The following SCUBE2 variants were observed in gnomAD, a reference collection of about 807,000 sequenced individuals.
SCUBE2 encodes the protein signal peptide, CUB and EGF-like domain-containing protein 2.
SCUBE2 carries 114 observed loss-of-function variants against 125.9 expected under a neutral mutation model. That is an observed-to-expected ratio of 0.91 (90% CI 0.78 to 1.06). SCUBE2 has a LOEUF of 1.06. Ranked by LOEUF, SCUBE2 falls within the 50% of genes least tolerant of loss-of-function variation. The pLI is 0.00. For synonymous variants in SCUBE2, 459 were observed against 492.9 expected (o/e 0.93, Z 0.91); for missense variants, 1,255 against 1,301.8 (o/e 0.96, Z 0.55).
chr11:9,033,856 G>T, intron 16 of SCUBE2, 60 bp from the exon 17 acceptor site: 1 of 1,559,694 alleles, frequency 6.4e-7, no homozygotes. Flanking sequence ...AGGATGATGT[G>T]AGTTCTAGAG....
At chr11:9,062,634 G>A (rs149712081) in intron 7 of SCUBE2, among the ~76,000 whole-genome samples, 13 of 152,236 alleles carry the variant, frequency 8.5e-5, no homozygotes, top group Admixed American at 3.9e-4. Context: ...TTAAAATCTC[G>A]TAATTAATTT....
chr11:9,023,953 T>C (rs1855516722), intron 21 of SCUBE2, among the ~76,000 whole-genome samples: 1 of 152,070 alleles, frequency 6.6e-6, no homozygotes, highest in African/African-American at 2.4e-5. Flanking sequence ...ATGTGATTTC[T>C]ATCCTTCTGG....
intron 3 of SCUBE2, 82 bp downstream of exon 3, chr11:9,079,302 T>C: frequency 6.5e-7 from 1 of 1,545,622 alleles, no homozygotes. Context: ...CCCGTTTTTG[T>C]CTTCATGAGG....
chr11:9,053,106 G>T lies in SCUBE2; in HGVS notation c.1440C>A (p.Leu480=). The change falls in exon 12 of 23, where the codon CTC becomes CTA. Residue 480 remains leucine (L), a synonymous_variant. Coordinates refer to ENST00000649792, the MANE Select transcript of SCUBE2 (RefSeq NM_001367977.2). The part of the protein sequence containing the change: ...CFLRCHSGIH[L]SSGLQGAYSV... ...GAACTGGGCCCCACTCACCTGAAGA[G>T]AGGTGAATGCCAGAGTGACATCTGA... 1 of 1,612,638 alleles carries T rather than the reference G, an allele frequency of 6.2e-7. No homozygotes were observed. The highest frequency in any genetic ancestry group is 8.5e-7 in the Non-Finnish European group (1 of 1,178,626).
In SCUBE2 at chr11:9,038,189, G is replaced by C. The variant is rs184650603; in HGVS notation, c.2003-4393C>G. ...ATAAATGAGCAATAAATCTCAATGA[G>C]CAAGCAAATAAGTATGTAATAGAAT... On this transcript the variant is annotated intron_variant, in intron 16 of 22. Coordinates refer to ENST00000649792, the MANE Select transcript of SCUBE2 (RefSeq NM_001367977.2). Among the ~76,000 whole-genome samples, 202 of 152,280 alleles carry C rather than the reference G, an allele frequency of 1.3e-3. 1 individual carries two copies. The highest frequency in any genetic ancestry group is 2.0e-3 in the Admixed American group (30 of 15,296).
chr11:9,047,752 C>T (rs922107484), intron 15 of SCUBE2, among the ~76,000 whole-genome samples, 190 bp from the exon 16 acceptor site: 1 of 152,016 alleles, frequency 6.6e-6, no homozygotes, highest in African/African-American at 2.4e-5. Flanking sequence ...AGAATGGTAG[C>T]TTTGGGTTTT....
chr11:9,020,793 C>A lies in SCUBE2; in HGVS notation c.*252G>T. On this transcript the variant is annotated 3_prime_UTR_variant, in exon 23 of 23. Transcript: ENST00000649792. ...CCAGCTCAGCCAGCCCGTGATCTAT[C>A]CAAGACATCCGCCCACAGCAGTGAG... 1 of 366,826 alleles carries A rather than the reference C, an allele frequency of 2.7e-6. No individual in the cohort carries two copies. Among genetic ancestry groups the A allele is most frequent in the Non-Finnish European group, 4.9e-6 (1 of 203,808 alleles). The allele number at this position is 366,826 out of a possible 1,614,324, so 22.7% of individuals were successfully genotyped here.
chr11:9,047,522 C>T lies in SCUBE2; in HGVS notation c.1836G>A (p.Lys612=). Residue 612 remains lysine, a synonymous_variant, in exon 16 of 23, where the codon AAG becomes AAA. Coordinates refer to ENST00000649792, the MANE Select transcript of SCUBE2 (RefSeq NM_001367977.2). ...DLSCIVKRTE[K]RLRKAIRTLR... is the part of the protein sequence containing the mutation. ...GCGTGCGGATGGCTTTACGGAGCCG[C>T]TTCTCGGTTCGCTTTACGATGCAGC... 1 of 1,614,088 alleles carries T rather than the reference C, an allele frequency of 6.2e-7. No homozygotes were observed. Among genetic ancestry groups the T allele is most frequent in the Non-Finnish European group, 8.5e-7 (1 of 1,180,034 alleles).
chr11:9,048,216 T>C, intron 14 of SCUBE2, 118 bp from the exon 15 acceptor site: 2 of 1,003,428 alleles, frequency 2.0e-6, no homozygotes, highest in Admixed American at 4.7e-5. Flanking sequence ...AGTGATTATC[T>C]CCAGATGCCA....
At chr11:9,085,147 G>A (rs1369253624) in intron 2 of SCUBE2, among the ~76,000 whole-genome samples, 1 of 152,166 alleles carries the variant, frequency 6.6e-6, no homozygotes, top group Non-Finnish European at 1.5e-5. Context: ...CAGACTGGAG[G>A]AGACAAGAGA....
chr11:9,034,550 T>G (rs1352651786), intron 16 of SCUBE2, among the ~76,000 whole-genome samples: 1 of 152,078 alleles, frequency 6.6e-6, no homozygotes, highest in Non-Finnish European at 1.5e-5. Context: ...ATGAGACCCC[T>G]TCTCTAAAAA....
At chr11:9,026,557 T>C (rs1263189623) in intron 20 of SCUBE2, 3 of 151,208 alleles carry the variant, frequency 2.0e-5, no homozygotes, top group Non-Finnish European at 2.9e-5. Context: ...GATTCACCCA[T>C]CTCAGCCTCC....
At chr11:9,069,550 C>T in intron 4 of SCUBE2, 55 bp from the exon 5 acceptor site, 1 of 1,608,878 alleles carries the variant, frequency 6.2e-7, no homozygotes, top group East Asian at 2.2e-5. Flanking sequence ...ATCCTGAGCC[C>T]TGGGAGAGCG....
intron 5 of SCUBE2, 41 bp downstream of exon 5, chr11:9,069,329 A>G (rs780789439): frequency 6.2e-7 from 1 of 1,610,966 alleles, no homozygotes; most frequent in Non-Finnish European, 8.5e-7. Context: ...CCTGTGGAAT[A>G]CGACGGTTCC....
At chr11:9,085,516 G>A (rs1039720193) in intron 2 of SCUBE2, among the ~76,000 whole-genome samples, 1 of 152,130 alleles carries the variant, frequency 6.6e-6, no homozygotes, top group Non-Finnish European at 1.5e-5. Context: ...CATGAGGTCA[G>A]GAGATAGAGA....
intron 2 of SCUBE2, among the ~76,000 whole-genome samples, chr11:9,079,915 C>A (rs758945817): frequency 6.6e-6 from 1 of 152,150 alleles, no homozygotes; most frequent in Admixed American, 6.6e-5. Context: ...TAAAAACACA[C>A]ACAAAATTTC....
intron 13 of SCUBE2, 52 bp from the exon 14 acceptor site, chr11:9,050,762 G>C (rs1204037270): frequency 7.2e-7 from 1 of 1,388,722 alleles, no homozygotes; most frequent in Admixed American, 1.7e-5. Flanking sequence ...AAGGAATGGA[G>C]ACACCAGATG....
chr11:9,026,423 C>CTTTGTTTGTTTG (rs146316603), intron 20 of SCUBE2: 2 of 153,826 alleles, frequency 1.3e-5, no homozygotes, highest in African/African-American at 4.9e-5. Flanking sequence ...CATCATCATT[C>CTTTGTTTGTTTG]TTTGTTTGTT....
At chr11:9,046,692 G>A (rs905511487) in intron 16 of SCUBE2, among the ~76,000 whole-genome samples, 5 of 152,134 alleles carry the variant, frequency 3.3e-5, no homozygotes, top group African/African-American at 1.2e-4. Context: ...TCAACCAGCT[G>A]GGCTGTTTTT....
Sources: allele counts gnomAD v4.1 joint callset (sites outside exome capture counted in the v4.1 genomes callset), GRCh38; gene constraint gnomAD v4.1.1; transcripts MANE v1.5; gene names NCBI Gene and HGNC (gene_info 2026-07-23, HGNC 2026-07-21).